Variants in MARK1 observed in about 807,000 individuals in gnomAD.
MARK1 encodes microtubule affinity regulating kinase 1.
In MARK1, 40 loss-of-function variants were observed where a neutral mutation model predicts 96.3. The observed-to-expected ratio is 0.42, with a 90% CI of 0.32 to 0.54. MARK1 has a LOEUF of 0.54. Among genes scored for constraint, MARK1 ranks in the 20% least tolerant of loss-of-function variants. The probability of loss-of-function intolerance (pLI) is 0.16; values close to 1 mark genes in which losing one functional copy is unlikely to be tolerated. For missense variants in MARK1, 719 were observed against 984.6 expected (o/e 0.73, Z 3.61); for synonymous variants, 317 against 341.2 (o/e 0.93, Z 0.78).
At chr1:220,634,449 G>A (rs114354060) in intron 11 of MARK1, among the ~76,000 whole-genome samples, 1,556 of 152,184 alleles carry the variant, frequency 0.01, 33 homozygotes, top group African/African-American at 0.036. Flanking sequence ...TTAATTTTCT[G>A]TGCCTCAGTT....
chr1:220,547,349 C>T (rs897015394), intron 1 of MARK1, among the ~76,000 whole-genome samples: 3 of 152,156 alleles, frequency 2.0e-5, no homozygotes, highest in Admixed American at 6.5e-5. Flanking sequence ...TAACATCCTA[C>T]GGAAGAAAGT....
At chr1:220,616,512 C>G (rs978594285) in intron 7 of MARK1, among the ~76,000 whole-genome samples, 14 of 152,048 alleles carry the variant, frequency 9.2e-5, no homozygotes, top group African/African-American at 3.4e-4. Context: ...GTGGAAACAC[C>G]CTGGACTAAA....
At chr1:220,546,406 T>C (rs561678271) in intron 1 of MARK1, among the ~76,000 whole-genome samples, 29 of 151,934 alleles carry the variant, frequency 1.9e-4, no homozygotes, top group African/African-American at 7.0e-4. Flanking sequence ...GAAAGTAGAG[T>C]TTCTCTAGAT....
chr1:220,577,560 C>T (rs747330453), intron 1 of MARK1, among the ~76,000 whole-genome samples: 16 of 152,152 alleles, frequency 1.1e-4, no homozygotes, highest in Non-Finnish European at 1.6e-4. Flanking sequence ...GAGTGCTGGA[C>T]CCTACCCCCA....
intron 4 of MARK1, 100 bp from the exon 5 acceptor site, chr1:220,599,695 AAGT>A: frequency 1.8e-6 from 1 of 555,006 alleles, no homozygotes; most frequent in South Asian, 3.2e-5. Context: ...AATGTTTAGC[AAGT>A]AGTCAAATTT....
intron 9 of MARK1, among the ~76,000 whole-genome samples, chr1:220,628,549 C>G (rs1432877629): frequency 6.6e-6 from 1 of 152,178 alleles, no homozygotes; most frequent in Non-Finnish European, 1.5e-5. Context: ...CTTTCCTCGC[C>G]TTCCATGTCA....
intron 6 of MARK1, among the ~76,000 whole-genome samples, chr1:220,615,506 C>T (rs1648015080): frequency 6.6e-6 from 1 of 152,144 alleles, no homozygotes; most frequent in Non-Finnish European, 1.5e-5. Context: ...ATGCCTTGAA[C>T]ACATTTGATG....
In MARK1 at chr1:220,528,583, C is replaced by G. The variant is rs927623780; in HGVS notation, c.-240C>G. 6.9e-5 allele frequency: 33 copies of G among 476,260 alleles called. No homozygotes were observed. The highest frequency in any genetic ancestry group is 6.2e-5 in the African/African-American group (3 of 48,378). 29.5% of individuals were successfully genotyped at this position (476,260 alleles called of 1,614,324 possible). ...GGGCAACCGCCTCGCCCGAAGCCCT[C>G]CCTCGTTACTGTCCGCATACCCCGG... On this transcript the variant is annotated 5_prime_UTR_variant, in exon 1 of 18. Transcript: ENST00000366917.
chr1:220,600,526 G>A (rs1665668885), intron 5 of MARK1, among the ~76,000 whole-genome samples: 2 of 152,114 alleles, frequency 1.3e-5, no homozygotes, highest in Non-Finnish European at 2.9e-5. Flanking sequence ...TCCCTTAAAC[G>A]AGAAATGTGT....
At chr1:220,653,426 T>G in intron 16 of MARK1, 74 bp downstream of exon 16, 1 of 1,424,342 alleles carries the variant, frequency 7.0e-7, no homozygotes, top group South Asian at 1.4e-5. Flanking sequence ...TAAAAAAATC[T>G]TTATAATAAT....
Position 220,626,736 on chromosome 1 carries a change from C to T in MARK1, c.910-4299C>T, listed in dbSNP as rs775944442. On this transcript the variant is annotated intron_variant, in intron 9 of 17. Coordinates refer to ENST00000366917, the MANE Select transcript of MARK1 (RefSeq NM_018650.5). ...ATTCGGGAGGCTGAGTCATGAGAAT[C>T]GCTTGCACCCTAGAGGCGGAGGTTG... is the stretch of plus-strand genomic sequence containing the variant. 70 of 334,176 alleles carry T rather than the reference C, an allele frequency of 2.1e-4. 1 individual carries two copies. The highest frequency in any genetic ancestry group is 3.6e-4 in the Non-Finnish European group (62 of 171,226). The allele number at this position is 334,176 out of a possible 1,614,324, so 20.7% of individuals were successfully genotyped here.
intron 3 of MARK1, 121 bp from the exon 4 acceptor site, chr1:220,598,210 C>T: frequency 2.7e-6 from 1 of 369,884 alleles, no homozygotes; most frequent in Non-Finnish European, 5.5e-6. Flanking sequence ...TGTTTCAATG[C>T]ATTGCCAGAA....
chr1:220,637,082 G>T (rs1572213841), intron 13 of MARK1, among the ~76,000 whole-genome samples: 1 of 152,184 alleles, frequency 6.6e-6, no homozygotes, highest in East Asian at 1.9e-4. Flanking sequence ...CATGTTCTTT[G>T]GCATAAAATG....
intron 9 of MARK1, among the ~76,000 whole-genome samples, chr1:220,624,540 A>C (rs1405056145): frequency 6.6e-6 from 1 of 151,218 alleles, no homozygotes; most frequent in East Asian, 1.9e-4. Flanking sequence ...CAGAGGTAGC[A>C]GTGAGGCGAG....
chr1:220,548,483 T>TA (rs1661647548), intron 1 of MARK1, among the ~76,000 whole-genome samples: 1 of 152,188 alleles, frequency 6.6e-6, no homozygotes, highest in East Asian at 1.9e-4. Flanking sequence ...CTCACACCTG[T>TA]AATCCCAGCA....
In MARK1 at chr1:220,618,331, G is replaced by A. The variant is rs1666870527; in HGVS notation, c.574G>A (p.Gly192Ser). ...TTAGGCTGAAAACCTTCTCCTTGAT[G>A]GTGATATGAATATTAAAATTGCTGA... ...DLKAENLLLDGDMNIKIADFG... is the reference protein window; with the variant it reads ...DLKAENLLLDSDMNIKIADFG... The change falls in exon 8 of 18, where the codon GGT (glycine) becomes AGT (serine). Residue 192 changes from glycine (G) to serine (S), a missense_variant. Coordinates refer to ENST00000366917, the MANE Select transcript of MARK1 (RefSeq NM_018650.5). The surrounding 1 kb of genome is among the most constrained non-coding windows in gnomAD (Gnocchi z 4.6). The A allele has an allele frequency of 6.2e-7, 1 of 1,609,300 alleles. No homozygotes were observed. The highest frequency in any genetic ancestry group is 8.5e-7 in the Non-Finnish European group (1 of 1,175,712).
intron 13 of MARK1, among the ~76,000 whole-genome samples, chr1:220,649,655 A>G (rs929277112): frequency 1.3e-5 from 2 of 152,202 alleles, no homozygotes; most frequent in Admixed American, 1.3e-4. Flanking sequence ...AGGAACCTGC[A>G]CTACTGAAAA....
At chr1:220,533,014 A>T (rs572406620) in intron 1 of MARK1, among the ~76,000 whole-genome samples, 40 of 149,628 alleles carry the variant, frequency 2.7e-4, no homozygotes, top group African/African-American at 9.8e-4. Context: ...CTTTTTTTTA[A>T]AAAAAAAAAT....
chr1:220,537,821 AT>A (rs1660824190), intron 1 of MARK1, among the ~76,000 whole-genome samples: 1 of 151,920 alleles, frequency 6.6e-6, no homozygotes, highest in East Asian at 1.9e-4. Flanking sequence ...TTTGATTTGC[AT>A]TTCTCTGATG....
Sources: gnomAD v4.1 joint callset for allele counts (sites outside exome capture counted in the v4.1 genomes callset) on GRCh38, gnomAD v4.1.1 for gene constraint, Gnocchi (gnomAD v3.1) non-coding constraint, MANE v1.5 for transcripts, NCBI Gene and HGNC (gene_info 2026-07-23, HGNC 2026-07-21) for gene names.